OR1J2: variants seen among roughly 807,000 people sequenced by gnomAD.
OR1J2 encodes the protein olfactory receptor 1J2.
For synonymous variants in OR1J2, 142 were observed against 99.7 expected (o/e 1.42, Z -2.52); for missense variants, 304 against 246.1 (o/e 1.24, Z -1.57).
chr9:122,531,146 G>T, the OR1J2 span, among the ~76,000 whole-genome samples: 416 of 152,336 alleles, frequency 2.7e-3, 1 homozygote, highest in African/African-American at 9.6e-3. Flanking sequence ...AGGGGTGAGC[G>T]TGGGAACCTA....
chr9:122,537,273 T>C, the OR1J2 span, among the ~76,000 whole-genome samples: 11 of 152,366 alleles, frequency 7.2e-5, no homozygotes, highest in Admixed American at 5.9e-4. Flanking sequence ...TGTTCTGCTA[T>C]ACAATGTCTG....
At chr9:122,506,317 C>G (rs77906330), upstream of OR1J2, among the ~76,000 whole-genome samples, 1,470 of 152,230 alleles carry the variant, frequency 9.7e-3, 18 homozygotes, top group Non-Finnish European at 0.014. Context: ...CCACAGAATA[C>G]CTTTCCCAGT....
chr9:122,519,152 G>A, the OR1J2 span: 1 of 1,597,644 alleles, frequency 6.3e-7, no homozygotes, highest in South Asian at 1.1e-5. Flanking sequence ...TGAAGAGGGA[G>A]AATCAGAGCA....
At chr9:122,488,865 T>TTTA in the OR1J2 span, among the ~76,000 whole-genome samples, 72,624 of 151,628 alleles carry the variant, frequency 0.48, 18,053 homozygotes, top group African/African-American at 0.6. Flanking sequence ...TTTTTTAAAA[T>TTTA]TTATTATACT....
chr9:122,486,512 A>G, the OR1J2 span, among the ~76,000 whole-genome samples: 1 of 152,230 alleles, frequency 6.6e-6, no homozygotes, highest in Admixed American at 6.5e-5. Flanking sequence ...ATGAATAAAA[A>G]TCTATAGTTT....
the OR1J2 span, among the ~76,000 whole-genome samples, chr9:122,489,900 A>G: frequency 3.3e-5 from 5 of 152,228 alleles, no homozygotes; most frequent in South Asian, 1.0e-3. Context: ...TAAAAACCAC[A>G]CCTACGATAG....
At chr9:122,514,937 G>C (rs928818941), downstream of OR1J2, among the ~76,000 whole-genome samples, 1 of 152,114 alleles carries the variant, frequency 6.6e-6, no homozygotes, top group East Asian at 1.9e-4. Flanking sequence ...GGTGGAGCTG[G>C]GACCTGATCT....
the OR1J2 span, among the ~76,000 whole-genome samples, chr9:122,451,152 C>CATT: frequency 0.15 from 20,152 of 137,420 alleles, 1,501 homozygotes; most frequent in East Asian, 0.25. Flanking sequence ...CTATCACCTG[C>CATT]ATTATTATTA....
the OR1J2 span, among the ~76,000 whole-genome samples, chr9:122,466,950 C>G: frequency 6.6e-6 from 1 of 152,116 alleles, no homozygotes; most frequent in African/African-American, 2.4e-5. Flanking sequence ...TCCTGAGTAG[C>G]TGGGATTACA....
chr9:122,557,274 A>AG, the OR1J2 span, among the ~76,000 whole-genome samples: 1 of 152,082 alleles, frequency 6.6e-6, no homozygotes, highest in Non-Finnish European at 1.5e-5. Flanking sequence ...AGCAGTAATG[A>AG]GGGGGGACAT....
At chr9:122,521,476 A>G in the OR1J2 span, among the ~76,000 whole-genome samples, 2 of 152,172 alleles carry the variant, frequency 1.3e-5, no homozygotes, top group African/African-American at 4.8e-5. Flanking sequence ...TTTGATATTG[A>G]CTCAAAGAGT....
chr9:122,538,898 T>C, the OR1J2 span, among the ~76,000 whole-genome samples: 2 of 151,512 alleles, frequency 1.3e-5, no homozygotes, highest in African/African-American at 4.8e-5. Context: ...GAGACAAGAG[T>C]TGAAAAACTA....
At chr9:122,567,440 G>T in the OR1J2 span, 1 of 774,032 alleles carries the variant, frequency 1.3e-6, no homozygotes, top group East Asian at 2.5e-5. Flanking sequence ...TGTCTCACAT[G>T]GGTCAGAAGT....
the OR1J2 span, among the ~76,000 whole-genome samples, chr9:122,491,941 A>G: frequency 5.3e-5 from 8 of 152,148 alleles, no homozygotes; most frequent in East Asian, 1.5e-3. Flanking sequence ...CAAATATCCT[A>G]TATAATGGGT....
chr9:122,493,432 A>T, the OR1J2 span, among the ~76,000 whole-genome samples: 1 of 152,006 alleles, frequency 6.6e-6, no homozygotes, highest in Non-Finnish European at 1.5e-5. Flanking sequence ...TTAACCTAGG[A>T]GGGTTGTATA....
chr9:122,487,389 G>A, the OR1J2 span, among the ~76,000 whole-genome samples: 1 of 151,654 alleles, frequency 6.6e-6, no homozygotes, highest in African/African-American at 2.4e-5. Flanking sequence ...ATTATTTGAT[G>A]TAATACAAAA....
At chr9:122,530,064 C>T in the OR1J2 span, among the ~76,000 whole-genome samples, 1 of 151,950 alleles carries the variant, frequency 6.6e-6, no homozygotes, top group Non-Finnish European at 1.5e-5. Flanking sequence ...GGTTGATAAA[C>T]CAAGATTAAA....
chr9:122,553,688 C>T, the OR1J2 span: 1 of 1,614,108 alleles, frequency 6.2e-7, no homozygotes, highest in Non-Finnish European at 8.5e-7. Context: ...ACTGTCCTGC[C>T]CTGATGCACA....
At chr9:122,500,437 T>G in the OR1J2 span, among the ~76,000 whole-genome samples, 2 of 152,178 alleles carry the variant, frequency 1.3e-5, no homozygotes, top group East Asian at 3.8e-4. Flanking sequence ...TGGGGTGTGC[T>G]TCATGATTCT....
Sources: gnomAD v4.1 joint callset for allele counts (sites outside exome capture counted in the v4.1 genomes callset) on GRCh38, gnomAD v4.1.1 for gene constraint, MANE v1.5 for transcripts, NCBI Gene and HGNC (gene_info 2026-07-23, HGNC 2026-07-21) for gene names.